The following DSC3 variants were observed in gnomAD, a reference collection of about 807,000 sequenced individuals.
DSC3 encodes the protein desmocollin-3.
Under a neutral mutation model 89.5 loss-of-function variants are expected in DSC3, and 97 were observed. The observed-to-expected ratio is 1.08, with a 90% CI of 0.92 to 1.28. The LOEUF is 1.28. Among genes scored for constraint, DSC3 ranks in the 50% most tolerant of loss-of-function variants. DSC3 has a pLI of 0.00. For synonymous variants in DSC3, 436 were observed against 384.1 expected, an observed-to-expected ratio of 1.14 and a Z score of -1.58; for missense variants, 1,199 against 1,085.3, an observed-to-expected ratio of 1.10 and a Z score of -1.47.
Position 31,004,288 on chromosome 18 carries a change from G to T in DSC3, c.1967C>A (p.Ala656Asp), listed in dbSNP as rs770831759. The change falls in exon 13 of 16, where the codon GCC (alanine) becomes GAC (aspartate). Residue 656 changes from alanine (A) to aspartate (D), a missense_variant. Coordinates refer to ENST00000360428, the MANE Select transcript of DSC3 (RefSeq NM_001941.5). Reference protein sequence around the residue: ...YTIPITVKDRAGQAATKLLRV... With the variant: ...YTIPITVKDRDGQAATKLLRV... The stretch of plus-strand genomic sequence containing the variant: ...CAATAATTTTGTTGCAGCTTGGCCG[G>T]CCCTGTCTTTTACAGTAATAGGAAT... The T allele has an allele frequency of 6.2e-7, 1 of 1,613,934 alleles. No individual in the cohort carries two copies. The highest frequency in any genetic ancestry group is 2.2e-5 in the East Asian group (1 of 44,866).
intron 15 of DSC3, among the ~76,000 whole-genome samples, chr18:30,995,546 C>T (rs1359008630): frequency 6.6e-6 from 1 of 152,078 alleles, no homozygotes; most frequent in Admixed American, 6.6e-5. Flanking sequence ...AATCCAGTGG[C>T]TTTCTACCTA....
At chr18:31,028,153 A>G (rs1223579635) in intron 4 of DSC3, among the ~76,000 whole-genome samples, 3 of 152,128 alleles carry the variant, frequency 2.0e-5, no homozygotes, top group African/African-American at 7.2e-5. Flanking sequence ...AAATATCAAG[A>G]AACAAGAGGT....
In DSC3 at chr18:31,004,359, A is replaced by T; in HGVS notation, c.1896T>A (p.Ala632=). 1 of 1,613,304 alleles carries T rather than the reference A, an allele frequency of 6.2e-7. No homozygotes were observed. Among genetic ancestry groups the T allele is most frequent in the Non-Finnish European group, 8.5e-7 (1 of 1,179,388 alleles). Residue 632 remains alanine, a synonymous_variant, in exon 13 of 16, where the codon GCT becomes GCA. Coordinates refer to ENST00000360428, the MANE Select transcript of DSC3 (RefSeq NM_001941.5). ...CATTTTTCTGATATGAAAGACGGGC[A>T]GCTGTATCTGAAAGAAAATAAAAGA... is the stretch of plus-strand genomic sequence containing the variant. ...LWSLTKVNDT[A]ARLSYQKNAG... is the part of the protein sequence containing the mutation.
intron 1 of DSC3, among the ~76,000 whole-genome samples, chr18:31,038,615 A>G (rs1422156977): frequency 6.6e-6 from 1 of 152,024 alleles, no homozygotes; most frequent in African/African-American, 2.4e-5. Flanking sequence ...TCTATACTCA[A>G]GAGGTTTAGT....
rs114245564 is a variant in DSC3, at chr18:31,008,383, G to C, written c.1406C>G (p.Pro469Arg). ...ATATTGGGCTGCAGGAGTGCATTCA[G>C]GCCCCTCATCCAGATCCCTCACATG... ...TVHVRDLDEG[P>R]ECTPAAQYVR... The change falls in exon 10 of 16, where the codon CCT becomes CGT. Residue 469 changes from proline to arginine, a missense_variant. Coordinates refer to ENST00000360428, the MANE Select transcript of DSC3 (RefSeq NM_001941.5). The C allele has an allele frequency of 1.2e-6, 2 of 1,614,066 alleles. No homozygotes were observed. Among genetic ancestry groups the C allele is most frequent in the East Asian group, 4.5e-5 (2 of 44,864 alleles).
At chr18:31,013,265 CA>C (rs960804470) in intron 9 of DSC3, among the ~76,000 whole-genome samples, 5 of 149,136 alleles carry the variant, frequency 3.4e-5, no homozygotes, top group Non-Finnish European at 7.4e-5. Flanking sequence ...GGAACAGATA[CA>C]AAAACTAAAA....
rs566710244 is a variant in DSC3, at chr18:31,015,362, G to A, written c.1263+2709C>T. Among the ~76,000 whole-genome samples, 9 of 152,212 alleles carry A rather than the reference G, an allele frequency of 5.9e-5. No homozygotes were observed. In the South Asian group the frequency reaches 1.5e-3, roughly 25 times the overall value. ...GGAATGAGAAATATTCTATGATATA[G>A]GTTATAACTTCCAATCACCTTTGGA... is the stretch of plus-strand genomic sequence containing the variant. On this transcript the variant is annotated intron_variant, in intron 9 of 15. Coordinates refer to ENST00000360428, the MANE Select transcript of DSC3 (RefSeq NM_001941.5).
chr18:31,018,786 G>C lies in DSC3; in HGVS notation c.957C>G (p.Tyr319Ter). The change falls in exon 8 of 16, where the codon TAC becomes TAG. Residue 319 changes from tyrosine to a stop codon, truncating the protein, a stop_gained. Transcript: ENST00000360428. LOFTEE classifies it high-confidence loss of function. ...HYLDREVVDK[Y>*]SLIMKVQDMD... ...TGTCTTGTACTTTCATTATCAATGA[G>C]TACTTGTCTACAACCTGGAAACAAA... 2 of 1,613,646 alleles carry C rather than the reference G, an allele frequency of 1.2e-6. No individual in the cohort carries two copies. Among genetic ancestry groups the C allele is most frequent in the Non-Finnish European group, 1.7e-6 (2 of 1,179,886 alleles).
intron 9 of DSC3, among the ~76,000 whole-genome samples, chr18:31,014,221 C>G (rs900312230): frequency 2.0e-5 from 3 of 151,792 alleles, no homozygotes; most frequent in Non-Finnish European, 4.4e-5. Context: ...ATGGTATGTC[C>G]ATACCATACC....
rs570436520 is a variant in DSC3, at chr18:31,021,381, T to C, written c.942+955A>G. Among the ~76,000 whole-genome samples the C allele has an allele frequency of 6.6e-4, 101 of 152,266 alleles. No individual in the cohort carries two copies. The Middle Eastern group carries it at 0.02, about 31-fold the overall frequency. On this transcript the variant is annotated intron_variant, in intron 7 of 15. Transcript: ENST00000360428. Reference sequence around the variant, plus strand: ...AAACTTTCCCACTTACTATTATCCTTATGTATTTTATCTATAACATAAAAT... The same window carrying C: ...AAACTTTCCCACTTACTATTATCCTCATGTATTTTATCTATAACATAAAAT...
chr18:31,034,572 T>A lies in DSC3; in HGVS notation c.70-2296A>T, dbSNP rs551205583. Among the ~76,000 whole-genome samples the A allele has an allele frequency of 7.6e-3, 1,157 of 152,304 alleles. 18 individuals carry two copies. The highest frequency in any genetic ancestry group is 0.027 in the African/African-American group (1,118 of 41,568). Reference sequence around the variant, plus strand: ...AGTCCACACAAAAACTTGTCATGAATATTCACAGTACATACCATTATTCAC... The same window carrying A: ...AGTCCACACAAAAACTTGTCATGAAAATTCACAGTACATACCATTATTCAC... On this transcript the variant is annotated intron_variant, in intron 1 of 15. Transcript: ENST00000360428.
intron 12 of DSC3, 70 bp from the exon 13 acceptor site, chr18:31,004,436 G>A (rs980942735): frequency 5.4e-5 from 77 of 1,434,862 alleles, no homozygotes; most frequent in South Asian, 1.2e-4. Context: ...GTTTCATCAC[G>A]CTTGTTTTTG....
rs1455533120 is a variant in DSC3 at position 31,032,577 on chromosome 18, TGTGTGTGTGTGTGCGTGTGC to T, written c.70-321_70-302del. Among the ~76,000 whole-genome samples, 435 of 132,526 alleles carry T rather than the reference TGTGTGTGTGTGTGCGTGTGC, an allele frequency of 3.3e-3. 2 individuals carry two copies. The highest frequency in any genetic ancestry group is 0.012 in the African/African-American group (404 of 33,430). 86.9% of individuals were successfully genotyped at this position (132,526 alleles called of 152,430 possible). A position where few individuals can be genotyped will look rare whatever the true frequency, so the allele number is the denominator to read the frequency against. Reference sequence around the variant, plus strand: ...GTATGTGTGTGTGTGTGTGTGTGTGTGTGTGTGTGTGTGCGTGTGCGTGTGCGTGTGCGTGTGTGACTGAG... The same window carrying T: ...GTATGTGTGTGTGTGTGTGTGTGTGTGTGTGCGTGTGCGTGTGTGACTGAG... On this transcript the variant is annotated intron_variant, in intron 1 of 15. Coordinates refer to ENST00000360428, the MANE Select transcript of DSC3 (RefSeq NM_001941.5).
rs1984928936 is a variant in DSC3 at position 31,008,255 on chromosome 18, A to G, written c.1520+14T>C. On this transcript the variant is annotated intron_variant, in intron 10 of 15. Transcript: ENST00000360428. ...AAATACATTATTAGTATGTGGTTAT[A>G]GATTTATTTTTACCTTAAACCATTG... 10 of 1,613,676 alleles carry G rather than the reference A, an allele frequency of 6.2e-6. No homozygotes were observed. In the East Asian group the frequency reaches 2.2e-4, roughly 36 times the overall value.
Position 31,042,729 on chromosome 18 carries a change from G to T in DSC3, c.-69C>A. ...TGCCGAGAGCGAGACCTGCCGAGGT[G>T]CAGGGCGCGGGAGGTGCTTTTCTCG... On this transcript the variant is annotated 5_prime_UTR_variant, in exon 1 of 16. Transcript: ENST00000360428. 7.0e-7 allele frequency: 1 copy of T among 1,425,678 alleles called. No individual in the cohort carries two copies. Among genetic ancestry groups the T allele is most frequent in the Non-Finnish European group, 9.6e-7 (1 of 1,046,712 alleles). 88.3% of individuals were successfully genotyped at this position (1,425,678 alleles called of 1,614,324 possible). A position where few individuals can be genotyped will look rare whatever the true frequency, so the allele number is the denominator to read the frequency against.
At chr18:31,028,729 T>C (rs1367619897) in intron 4 of DSC3, among the ~76,000 whole-genome samples, 1 of 152,154 alleles carries the variant, frequency 6.6e-6, no homozygotes, top group Non-Finnish European at 1.5e-5. Flanking sequence ...GTTTCAATTG[T>C]GCATGTTCTA....
At chr18:31,029,265 G>C (rs1348124797) in intron 4 of DSC3, among the ~76,000 whole-genome samples, 1 of 152,132 alleles carries the variant, frequency 6.6e-6, no homozygotes, top group Non-Finnish European at 1.5e-5. Context: ...GCAGGATATA[G>C]TTAAGTGCTC....
chr18:31,010,118 C>T (rs549782222), intron 9 of DSC3, among the ~76,000 whole-genome samples: 5 of 152,308 alleles, frequency 3.3e-5, no homozygotes, highest in Admixed American at 1.3e-4. Context: ...TCTTTCTCCA[C>T]ACCTAGGTAT....
intron 4 of DSC3, among the ~76,000 whole-genome samples, chr18:31,027,464 T>TTTCCTTCC (rs60932501): frequency 0.17 from 24,854 of 147,572 alleles, 2,472 homozygotes; most frequent in East Asian, 0.3. Flanking sequence ...GATGCATTGG[T>TTTCCTTCC]TTCCTTCCTT....
Sources: allele counts gnomAD v4.1 joint callset (sites outside exome capture counted in the v4.1 genomes callset), GRCh38; gene constraint gnomAD v4.1.1; transcripts MANE v1.5; gene names NCBI Gene and HGNC (gene_info 2026-07-23, HGNC 2026-07-21).